Variants in PCDHA3 observed in about 807,000 individuals in gnomAD.
PCDHA3 encodes the protein protocadherin alpha 3.
A neutral mutation model predicts 62.2 loss-of-function variants in PCDHA3; 41 were observed. The ratio of observed to expected loss-of-function variants is 0.66; its 90% CI spans 0.51 to 0.86. PCDHA3 has a LOEUF of 0.86. Ranked by LOEUF, PCDHA3 falls within the 40% of genes least tolerant of loss-of-function variation. The pLI is 0.00. For synonymous variants in PCDHA3, 640 were observed against 555.4 expected, an observed-to-expected ratio of 1.15 and a Z score of -2.14; for missense variants, 1,304 against 1,241.2, an observed-to-expected ratio of 1.05 and a Z score of -0.76.
intron 1 of PCDHA3, chr5:140,860,150 T>G (rs868970469): frequency 6.7e-6 from 1 of 150,164 alleles, no homozygotes; most frequent in Non-Finnish European, 1.5e-5. Flanking sequence ...TATGTATATA[T>G]GTGTATATAT....
chr5:141,010,034 A>G lies in PCDHA3; in HGVS notation c.*97A>G. On this transcript the variant is annotated 3_prime_UTR_variant, in exon 4 of 4. Transcript: ENST00000522353. Reference sequence around the variant, plus strand: ...CCTGCTCCTTTTTCCTATCTACATGAGCCCTCTTAGAGACCTCAGAAATCT... The same window carrying G: ...CCTGCTCCTTTTTCCTATCTACATGGGCCCTCTTAGAGACCTCAGAAATCT... 6.3e-7 allele frequency: 1 copy of G among 1,582,208 alleles called. No individual in the cohort carries two copies.
At chr5:140,823,837 C>T (rs1767893476) in intron 1 of PCDHA3, 4 of 1,613,714 alleles carry the variant, frequency 2.5e-6, no homozygotes, top group Middle Eastern at 1.6e-4. Context: ...CGCTGTGGGT[C>T]CCGAGGCTGC....
chr5:140,985,338 A>G (rs2153836548), intron 3 of PCDHA3, among the ~76,000 whole-genome samples: 1 of 152,280 alleles, frequency 6.6e-6, no homozygotes, highest in South Asian at 2.1e-4. Flanking sequence ...TCTCATTTGC[A>G]GGCCCAGATA....
At position 140,848,200 on chromosome 5, in the gene PCDHA3, A is replaced by G. The variant is rs1011742191; in HGVS notation, c.2394+44609A>G. On this transcript the variant is annotated intron_variant, in intron 1 of 3. Transcript: ENST00000522353. ...AGAAACGGGATCTTCTGTTTCAACA[A>G]TCATTACTTAAGAAAAAATTAAGAA... is the stretch of plus-strand genomic sequence containing the variant. 48 of 323,068 alleles carry G rather than the reference A, an allele frequency of 1.5e-4. 5 individuals carry two copies. Among genetic ancestry groups the G allele is most frequent in the Non-Finnish European group, 1.1e-5 (2 of 175,496 alleles). 20.0% of individuals were successfully genotyped at this position (323,068 alleles called of 1,614,324 possible). A position where few individuals can be genotyped will look rare whatever the true frequency, so the allele number is the denominator to read the frequency against.
At chr5:140,877,332 C>G (rs2057040352) in intron 1 of PCDHA3, 16 of 1,613,990 alleles carry the variant, frequency 9.9e-6, no homozygotes, top group Non-Finnish European at 1.4e-5. Flanking sequence ...GCGCGCACAT[C>G]CCGTTCCACG....
At chr5:140,857,348 CT>C (rs2044532824) in intron 1 of PCDHA3, 1 of 1,598,398 alleles carries the variant, frequency 6.3e-7, no homozygotes, top group Non-Finnish European at 8.6e-7. Flanking sequence ...CTCGCCTCCG[CT>C]GTGGGCCACG....
chr5:140,967,503 G>C (rs369053625), intron 1 of PCDHA3: 1 of 1,612,938 alleles, frequency 6.2e-7, no homozygotes, highest in Non-Finnish European at 8.5e-7. Context: ...ATCTCTGTGC[G>C]TGTCCTGGAC....
At chr5:140,989,109 A>C (rs2097330096) in intron 3 of PCDHA3, 2 of 152,240 alleles carry the variant, frequency 1.3e-5, no homozygotes, top group African/African-American at 4.8e-5. Context: ...CAACTTTTGA[A>C]TATATCTTAG....
Position 140,861,518 on chromosome 5 carries a change from G to A in PCDHA3, c.2394+57927G>A, listed in dbSNP as rs560386977. The A allele has an allele frequency of 1.0e-3, 481 of 461,708 alleles. 1 individual carries two copies. Among genetic ancestry groups the A allele is most frequent in the African/African-American group, 8.4e-3 (422 of 50,046 alleles). The allele number at this position is 461,708 out of a possible 1,614,324, so 28.6% of individuals were successfully genotyped here. A position where few individuals can be genotyped will look rare whatever the true frequency, so the allele number is the denominator to read the frequency against. On this transcript the variant is annotated intron_variant, in intron 1 of 3. Transcript: ENST00000522353. The stretch of plus-strand genomic sequence containing the variant: ...TGATAGACCTCGAGGAGCTGTGTGG[G>A]AGGATCTCGGAGTGCAGCATCCACC...
At chr5:140,966,528 G>T (rs567098369) in intron 1 of PCDHA3, 235 of 446,634 alleles carry the variant, frequency 5.3e-4, no homozygotes, top group Non-Finnish European at 7.8e-4. Context: ...AGCCGAGCCG[G>T]GTTGAGCGAC....
intron 1 of PCDHA3, chr5:140,862,965 C>G (rs1358517266): frequency 1.8e-6 from 1 of 543,786 alleles, no homozygotes; most frequent in Admixed American, 1.9e-5. Flanking sequence ...TCAGTGGATG[C>G]AGGCCACTTG....
intron 1 of PCDHA3, among the ~76,000 whole-genome samples, chr5:140,936,745 T>C (rs2091123001): frequency 6.6e-6 from 1 of 152,234 alleles, no homozygotes; most frequent in Non-Finnish European, 1.5e-5. Context: ...ACTTTTCATT[T>C]GTATTGATAT....
At chr5:140,834,576 C>T in intron 1 of PCDHA3, 2 of 1,614,098 alleles carry the variant, frequency 1.2e-6, no homozygotes, top group Non-Finnish European at 8.5e-7. Context: ...GCGCCTGTTC[C>T]GGGCGGTGTG....
chr5:140,808,148 G>C (rs782479156), intron 1 of PCDHA3: 10 of 1,614,026 alleles, frequency 6.2e-6, no homozygotes, highest in African/African-American at 1.3e-5. Flanking sequence ...AATTATTGTA[G>C]AGGGCATTGA....
intron 1 of PCDHA3, chr5:140,871,269 G>A (rs782046462): frequency 1.2e-6 from 2 of 1,613,952 alleles, no homozygotes; most frequent in Non-Finnish European, 8.5e-7. Flanking sequence ...CGCTGTGGTG[G>A]TCGGCAACGC....
intron 1 of PCDHA3, chr5:140,842,865 G>T (rs146195620): frequency 0.01 from 16,276 of 1,593,984 alleles, 1,624 homozygotes; most frequent in Non-Finnish European, 0.012. Flanking sequence ...ACGGAGAGCG[G>T]CAAGGTGTAC....
intron 1 of PCDHA3, chr5:140,825,430 TATA>T (rs1335934373): frequency 1.4e-5 from 2 of 147,522 alleles, no homozygotes; most frequent in Admixed American, 1.4e-4. Context: ...ATATAATAAA[TATA>T]TAATAATAAT....
chr5:140,827,069 G>A (rs187227575), intron 1 of PCDHA3, among the ~76,000 whole-genome samples: 1 of 152,278 alleles, frequency 6.6e-6, no homozygotes, highest in Non-Finnish European at 1.5e-5. Flanking sequence ...CTCATGCCTT[G>A]CTATTTAACA....
intron 1 of PCDHA3, chr5:140,927,024 G>A (rs1554203920): frequency 6.2e-7 from 1 of 1,612,408 alleles, no homozygotes. Flanking sequence ...CGGACTTGAG[G>A]CTGCCAGCGG....
Sources: allele counts gnomAD v4.1 joint callset (sites outside exome capture counted in the v4.1 genomes callset), GRCh38; gene constraint gnomAD v4.1.1; transcripts MANE v1.5; gene names NCBI Gene and HGNC (gene_info 2026-07-23, HGNC 2026-07-21).